The following GRID1 variants were observed in gnomAD, a reference collection of about 807,000 sequenced individuals.
GRID1 encodes the protein glutamate ionotropic receptor delta type subunit 1.
A neutral mutation model predicts 98.0 loss-of-function variants in GRID1; 28 were observed. That is an observed-to-expected ratio of 0.29 (90% CI 0.21 to 0.39). The LOEUF is 0.39. GRID1 is among the 10% of genes least tolerant of loss of function. The pLI is 1.00. For synonymous variants in GRID1, 553 were observed against 538.5 expected, an observed-to-expected ratio of 1.03 and a Z score of -0.37; for missense variants, 1,111 against 1,340.5, an observed-to-expected ratio of 0.83 and a Z score of 2.67.
intron 2 of GRID1, among the ~76,000 whole-genome samples, chr10:86,349,338 C>T (rs940395238): frequency 3.3e-5 from 5 of 152,170 alleles, no homozygotes; most frequent in African/African-American, 9.7e-5. Context: ...AAGCTTATAC[C>T]GCCAGCACCT....
chr10:85,870,900 G>A (rs1843272147), intron 5 of GRID1, among the ~76,000 whole-genome samples: 1 of 152,130 alleles, frequency 6.6e-6, no homozygotes, highest in Non-Finnish European at 1.5e-5. Flanking sequence ...CTCTTGAAAG[G>A]ATCTGGGCTC....
intron 2 of GRID1, among the ~76,000 whole-genome samples, chr10:86,245,290 G>A (rs1846705411): frequency 6.6e-6 from 1 of 152,244 alleles, no homozygotes; most frequent in South Asian, 2.1e-4. Context: ...AAGTGGGCCA[G>A]TGGCCTGGGG....
chr10:86,216,235 T>A (rs1213948819), intron 2 of GRID1, among the ~76,000 whole-genome samples: 1 of 152,192 alleles, frequency 6.6e-6, no homozygotes, highest in Non-Finnish European at 1.5e-5. Context: ...ATCCCTAAGG[T>A]CACAAGAGGA....
rs562988589 is a variant in GRID1 at position 86,072,013 on chromosome 10, G to A, written c.726+66806C>T. ...AAGGGGCTGGTGCGAGGAAGAAACTGTGAGTCATTTGCTGTTACTGTCAGG... is the reference window on the plus strand; with the variant it reads ...AAGGGGCTGGTGCGAGGAAGAAACTATGAGTCATTTGCTGTTACTGTCAGG... On this transcript the variant is annotated intron_variant, in intron 4 of 15. Transcript: ENST00000327946. Among the ~76,000 whole-genome samples the A allele has an allele frequency of 5.3e-5, 8 of 152,348 alleles. No individual in the cohort carries two copies. The South Asian group carries it at 1.7e-3, about 32-fold the overall frequency.
chr10:85,695,983 G>A (rs1841388782), intron 12 of GRID1, among the ~76,000 whole-genome samples: 1 of 152,102 alleles, frequency 6.6e-6, no homozygotes, highest in African/African-American at 2.4e-5. Context: ...ACACCAAGAA[G>A]GGACTTTATT....
chr10:86,237,525 C>G (rs991916675), intron 2 of GRID1, among the ~76,000 whole-genome samples: 3 of 152,082 alleles, frequency 2.0e-5, no homozygotes, highest in Non-Finnish European at 4.4e-5. Context: ...ACAGTGAAAC[C>G]CCATCTCTAC....
intron 4 of GRID1, among the ~76,000 whole-genome samples, chr10:85,980,233 C>T (rs1325560551): frequency 1.3e-5 from 2 of 152,248 alleles, no homozygotes; most frequent in Non-Finnish European, 2.9e-5. Flanking sequence ...ATCTCCTGTG[C>T]CACCCACAGC....
chr10:85,914,853 G>A (rs1437423697), intron 5 of GRID1, among the ~76,000 whole-genome samples: 1 of 152,198 alleles, frequency 6.6e-6, no homozygotes, highest in African/African-American at 2.4e-5. Flanking sequence ...CATGATGAAA[G>A]CTTGCACCAG....
chr10:86,205,343 A>G (rs977801563), intron 3 of GRID1, among the ~76,000 whole-genome samples: 2 of 152,140 alleles, frequency 1.3e-5, no homozygotes, highest in Admixed American at 6.5e-5. Context: ...ACCCTCTAAC[A>G]TGTTATGGAG....
intron 2 of GRID1, among the ~76,000 whole-genome samples, chr10:86,264,485 T>C (rs1756758932): frequency 6.6e-6 from 1 of 152,154 alleles, no homozygotes; most frequent in African/African-American, 2.4e-5. Flanking sequence ...TTTGCCCAGC[T>C]CAGATCCAGC....
intron 4 of GRID1, among the ~76,000 whole-genome samples, chr10:86,058,093 G>C (rs1014383405): frequency 1.3e-5 from 2 of 152,154 alleles, no homozygotes; most frequent in Non-Finnish European, 2.9e-5. Flanking sequence ...ATCTGATATG[G>C]AAGTGGGGAA....
chr10:86,193,520 G>GCCTGC (rs755961908), intron 3 of GRID1, among the ~76,000 whole-genome samples: 7,204 of 152,072 alleles, frequency 0.047, 254 homozygotes, highest in South Asian at 0.078. Flanking sequence ...GGGCTTGTGG[G>GCCTGC]CACACCAGAG....
At chr10:86,025,985 C>T (rs1843111027) in intron 4 of GRID1, among the ~76,000 whole-genome samples, 1 of 152,240 alleles carries the variant, frequency 6.6e-6, no homozygotes, top group African/African-American at 2.4e-5. Flanking sequence ...CAGCCACTTT[C>T]CAAGGCCACA....
chr10:86,362,835 A>T (rs942148429), intron 2 of GRID1, among the ~76,000 whole-genome samples: 2 of 152,228 alleles, frequency 1.3e-5, no homozygotes, highest in African/African-American at 4.8e-5. Context: ...GGGCTTGAGG[A>T]GAAAACACCA....
At chr10:86,198,441 C>A (rs755470496) in intron 3 of GRID1, among the ~76,000 whole-genome samples, 6 of 151,952 alleles carry the variant, frequency 3.9e-5, no homozygotes, top group Non-Finnish European at 8.8e-5. Flanking sequence ...CTTGGGAAGC[C>A]AAGGAAGAAT....
intron 2 of GRID1, among the ~76,000 whole-genome samples, chr10:86,271,146 T>C (rs12261036): frequency 6.6e-6 from 1 of 152,234 alleles, no homozygotes; most frequent in Non-Finnish European, 1.5e-5. Flanking sequence ...ATCCAAAAGA[T>C]TTGAAGGAAT....
chr10:86,218,032 T>C (rs1231993948), intron 2 of GRID1, among the ~76,000 whole-genome samples: 1 of 152,200 alleles, frequency 6.6e-6, no homozygotes, highest in Non-Finnish European at 1.5e-5. Context: ...GATGGAGAAC[T>C]GAGGCTCTGT....
At chr10:86,053,811 C>T (rs910244261) in intron 4 of GRID1, among the ~76,000 whole-genome samples, 1 of 152,186 alleles carries the variant, frequency 6.6e-6, no homozygotes, top group Non-Finnish European at 1.5e-5. Flanking sequence ...CCTACACAGA[C>T]ACACACACAC....
intron 4 of GRID1, among the ~76,000 whole-genome samples, chr10:85,946,778 T>C (rs1389726821): frequency 1.3e-5 from 2 of 152,108 alleles, no homozygotes; most frequent in African/African-American, 4.8e-5. Flanking sequence ...TTCTCAAGCA[T>C]CCAGGAAGGT....
Sources: allele counts gnomAD v4.1 joint callset (sites outside exome capture counted in the v4.1 genomes callset), GRCh38; gene constraint gnomAD v4.1.1; transcripts MANE v1.5; gene names NCBI Gene and HGNC (gene_info 2026-07-23, HGNC 2026-07-21).